SLC39A12: variants seen among roughly 807,000 people sequenced by gnomAD.
SLC39A12 encodes the protein solute carrier family 39 member 12.
Under a neutral mutation model 71.1 loss-of-function variants are expected in SLC39A12, and 63 were observed. That is an observed-to-expected ratio of 0.89 (90% CI 0.72 to 1.09). The LOEUF (loss-of-function observed/expected upper bound fraction) is 1.09, where lower values mean the gene tolerates loss of function less well. SLC39A12 is among the 50% of genes least tolerant of loss of function. The pLI is 0.00. For synonymous variants in SLC39A12, 351 were observed against 301.3 expected (o/e 1.16, Z -1.71); for missense variants, 892 against 812.6 (o/e 1.10, Z -1.19).
At chr10:18,032,662 C>T (rs1184951831) in intron 12 of SLC39A12, among the ~76,000 whole-genome samples, 2 of 151,020 alleles carry the variant, frequency 1.3e-5, no homozygotes, top group Admixed American at 6.6e-5. Flanking sequence ...GCCTAATTGC[C>T]CTGGCCAGAA....
intron 8 of SLC39A12, among the ~76,000 whole-genome samples, chr10:17,991,523 C>T (rs1835547425): frequency 6.6e-6 from 1 of 152,082 alleles, no homozygotes; most frequent in African/African-American, 2.4e-5. Context: ...TTTTGTTCAA[C>T]CTTCATGGTT....
chr10:18,008,449 T>G (rs1836099834), intron 12 of SLC39A12: 1 of 152,090 alleles, frequency 6.6e-6, no homozygotes, highest in African/African-American at 2.4e-5. Context: ...TTATGGTGAG[T>G]TGCATAATTA....
intron 12 of SLC39A12, among the ~76,000 whole-genome samples, chr10:18,030,622 G>GTATT (rs200462935): frequency 2.9e-4 from 43 of 148,064 alleles, no homozygotes; most frequent in African/African-American, 4.2e-4. Flanking sequence ...ATTTATTTAT[G>GTATT]TATTTATTTA....
At chr10:17,970,586 A>G (rs1438411231) in intron 4 of SLC39A12, among the ~76,000 whole-genome samples, 2 of 150,670 alleles carry the variant, frequency 1.3e-5, no homozygotes, top group African/African-American at 2.4e-5. Context: ...CAGATTGTTC[A>G]CTGTTGGCAT....
chr10:18,035,160 C>T (rs1282324117), intron 12 of SLC39A12, among the ~76,000 whole-genome samples: 12 of 148,504 alleles, frequency 8.1e-5, no homozygotes, highest in Non-Finnish European at 1.5e-4. Flanking sequence ...ATCTTTGTGG[C>T]GTTCTCTGTG....
intron 12 of SLC39A12, among the ~76,000 whole-genome samples, chr10:18,034,892 C>G (rs903141767): frequency 6.6e-6 from 1 of 151,714 alleles, no homozygotes; most frequent in African/African-American, 2.4e-5. Context: ...TATTTTATTT[C>G]TCCTTCACTT....
At chr10:17,989,790 C>T (rs866418471) in intron 7 of SLC39A12, among the ~76,000 whole-genome samples, 7 of 151,900 alleles carry the variant, frequency 4.6e-5, no homozygotes, top group East Asian at 1.9e-4. Context: ...TGGTGGTGGG[C>T]GCCTGTAACC....
chr10:18,001,236 C>T (rs202051416), intron 11 of SLC39A12, among the ~76,000 whole-genome samples: 78 of 152,274 alleles, frequency 5.1e-4, no homozygotes, highest in East Asian at 3.5e-3. Flanking sequence ...TAAAACCGGC[C>T]GGGCGCAGTG....
chr10:17,992,210 GA>G (rs1835572108), intron 8 of SLC39A12, among the ~76,000 whole-genome samples: 1 of 151,974 alleles, frequency 6.6e-6, no homozygotes, highest in Admixed American at 6.6e-5. Context: ...TTTATGGATG[GA>G]TAGAGGGATG....
intron 10 of SLC39A12, among the ~76,000 whole-genome samples, chr10:17,999,070 G>A (rs1374937258): frequency 6.6e-6 from 1 of 152,086 alleles, no homozygotes; most frequent in Non-Finnish European, 1.5e-5. Context: ...GCCGAGGCGG[G>A]TGGATCACTG....
chr10:18,039,898 G>T (rs577061917), intron 12 of SLC39A12, among the ~76,000 whole-genome samples: 18 of 152,164 alleles, frequency 1.2e-4, no homozygotes, highest in African/African-American at 4.3e-4. Context: ...TAATATCAAG[G>T]CATTTAGAAA....
chr10:17,997,022 C>CAAAAAA (rs71924913), intron 10 of SLC39A12, among the ~76,000 whole-genome samples: 5 of 115,520 alleles, frequency 4.3e-5, no homozygotes, highest in Non-Finnish European at 6.8e-5. Flanking sequence ...GACTCCGTCT[C>CAAAAAA]AAAAAAAAAA....
chr10:18,013,345 A>ATTTTTT (rs375081999), intron 12 of SLC39A12, among the ~76,000 whole-genome samples: 3 of 85,084 alleles, frequency 3.5e-5, no homozygotes, highest in African/African-American at 1.6e-4. Flanking sequence ...ATCCAACTTT[A>ATTTTTT]TTTATTATTA....
At chr10:17,956,756 C>G (rs567090424) in intron 2 of SLC39A12, among the ~76,000 whole-genome samples, 1 of 152,214 alleles carries the variant, frequency 6.6e-6, no homozygotes, top group Non-Finnish European at 1.5e-5. Flanking sequence ...TTAATTCACA[C>G]CTGGCCCTAG....
At chr10:17,958,997 C>T (rs1033122167) in intron 2 of SLC39A12, among the ~76,000 whole-genome samples, 27 of 152,108 alleles carry the variant, frequency 1.8e-4, no homozygotes, top group African/African-American at 6.5e-4. Flanking sequence ...TAACTGAATG[C>T]AAAAGATACT....
intron 4 of SLC39A12, among the ~76,000 whole-genome samples, chr10:17,972,361 A>G (rs1834997260): frequency 1.3e-5 from 2 of 152,140 alleles, no homozygotes; most frequent in Admixed American, 6.5e-5. Context: ...TTGGTTGTAT[A>G]GTGCAGATGA....
At chr10:18,006,532 C>G (rs1241366632) in intron 12 of SLC39A12, among the ~76,000 whole-genome samples, 1 of 152,194 alleles carries the variant, frequency 6.6e-6, no homozygotes, top group East Asian at 1.9e-4. Context: ...TGGAGGTGAT[C>G]CCAGGGAGCA....
intron 4 of SLC39A12, among the ~76,000 whole-genome samples, chr10:17,972,649 G>GA (rs1322373363): frequency 2.6e-5 from 4 of 152,144 alleles, no homozygotes; most frequent in African/African-American, 7.2e-5. Flanking sequence ...TAAGGATAGT[G>GA]ACTCCTGCTT....
At chr10:18,029,354 A>G (rs763838258) in intron 12 of SLC39A12, among the ~76,000 whole-genome samples, 11 of 152,210 alleles carry the variant, frequency 7.2e-5, no homozygotes, top group East Asian at 1.9e-4. Context: ...TCACACTTGA[A>G]AAAAGAACTC....
Sources: gnomAD v4.1 joint callset for allele counts (sites outside exome capture counted in the v4.1 genomes callset) on GRCh38, gnomAD v4.1.1 for gene constraint, MANE v1.5 for transcripts, NCBI Gene and HGNC (gene_info 2026-07-23, HGNC 2026-07-21) for gene names.